BASP1: variants seen among roughly 807,000 people sequenced by gnomAD.
The protein encoded by BASP1 is brain abundant membrane attached signal protein 1, also known as brain acid soluble protein 1.
Under a neutral mutation model 2.2 loss-of-function variants are expected in BASP1, and 1 was observed. The ratio of observed to expected loss-of-function variants is 0.46; its 90% confidence interval spans 0.16 to 2.17. BASP1 has a LOEUF of 2.17. BASP1 is among the 30% of genes most tolerant of loss of function. BASP1 has a pLI of 0.27. For missense variants in BASP1, 352 were observed against 327.2 expected, an observed-to-expected ratio of 1.08 and a Z score of -0.58; for synonymous variants, 187 against 154.2, an observed-to-expected ratio of 1.21 and a Z score of -1.58.
intron 1 of BASP1, among the ~76,000 whole-genome samples, chr5:17,250,319 G>A (rs1008642230): frequency 6.6e-6 from 1 of 152,146 alleles, no homozygotes; most frequent in African/African-American, 2.4e-5. Context: ...TTTGCACTTC[G>A]TAAAAAGTGT....
chr5:17,273,672 CCTT>C (rs1467704026), intron 1 of BASP1, among the ~76,000 whole-genome samples: 2 of 152,126 alleles, frequency 1.3e-5, no homozygotes, highest in Non-Finnish European at 1.5e-5. Flanking sequence ...AACAGCAAAT[CCTT>C]CTTTTCTAAA....
At chr5:17,248,290 C>T (rs143595277) in intron 1 of BASP1, among the ~76,000 whole-genome samples, 7 of 152,256 alleles carry the variant, frequency 4.6e-5, no homozygotes, top group South Asian at 2.1e-4. Flanking sequence ...TAGCCTCTGT[C>T]GGTAGCTGGA....
chr5:17,222,220 G>C (rs899135391), intron 1 of BASP1, among the ~76,000 whole-genome samples: 6 of 152,112 alleles, frequency 3.9e-5, no homozygotes, highest in Admixed American at 2.0e-4. Flanking sequence ...CCTTGTGTTT[G>C]TAGATATTTG....
intron 1 of BASP1, among the ~76,000 whole-genome samples, chr5:17,222,975 A>G (rs1385652813): frequency 1.3e-5 from 2 of 152,186 alleles, no homozygotes. Flanking sequence ...GGAGAAAGCA[A>G]AGCATTTACA....
At chr5:17,233,092 T>G (rs541456344) in intron 1 of BASP1, among the ~76,000 whole-genome samples, 2 of 152,242 alleles carry the variant, frequency 1.3e-5, no homozygotes, top group Non-Finnish European at 2.9e-5. Flanking sequence ...TACAATTTAC[T>G]CATTCCAAAA....
At chr5:17,268,029 C>T (rs972592001) in intron 1 of BASP1, among the ~76,000 whole-genome samples, 2 of 151,736 alleles carry the variant, frequency 1.3e-5, no homozygotes, top group African/African-American at 4.8e-5. Flanking sequence ...GTTTCTTTAT[C>T]TTGCATTGCA....
At chr5:17,232,699 C>T (rs10037574) in intron 1 of BASP1, among the ~76,000 whole-genome samples, 15,481 of 152,130 alleles carry the variant, frequency 0.1, 1,185 homozygotes, top group African/African-American at 0.21. Context: ...CTTTGGCAAA[C>T]ATCACCGTGG....
chr5:17,240,777 C>T (rs192600812), intron 1 of BASP1: 11 of 152,180 alleles, frequency 7.2e-5, no homozygotes, highest in African/African-American at 2.6e-4. Flanking sequence ...CTTGGACTTC[C>T]CAACCTACAG....
chr5:17,261,721 T>C (rs549074157), intron 1 of BASP1, among the ~76,000 whole-genome samples: 1 of 152,238 alleles, frequency 6.6e-6, no homozygotes, highest in African/African-American at 2.4e-5. Context: ...CCCTCAACTT[T>C]CCACTTTAGT....
Position 17,275,776 on chromosome 5 carries a change from C to T in BASP1, c.560C>T (p.Pro187Leu). 2 of 1,613,212 alleles carry T rather than the reference C, an allele frequency of 1.2e-6. No homozygotes were observed. The highest frequency in any genetic ancestry group is 1.7e-6 in the Non-Finnish European group (2 of 1,179,808). ...SEAAPSSKET[P>L]AATEAPSSTP... ...GCTGCCCCCTCTTCCAAGGAGACCCCCGCAGCCACGGAAGCGCCTAGTTCC... is the reference window on the plus strand; with the variant it reads ...GCTGCCCCCTCTTCCAAGGAGACCCTCGCAGCCACGGAAGCGCCTAGTTCC... Residue 187 changes from proline (P) to leucine (L), a missense_variant, in exon 2 of 2, where the codon CCC becomes CTC. By Grantham distance (98) the Pro-to-Leu change is moderately conservative. Transcript: ENST00000322611. The surrounding 1 kb of genome is among the most constrained non-coding windows in gnomAD (Gnocchi z 5.3).
chr5:17,229,162 T>C (rs931803170), intron 1 of BASP1, among the ~76,000 whole-genome samples: 5 of 152,092 alleles, frequency 3.3e-5, no homozygotes, highest in Non-Finnish European at 7.4e-5. Context: ...TGCACTGTGG[T>C]TAGTGTGAGG....
intron 1 of BASP1, among the ~76,000 whole-genome samples, chr5:17,272,004 T>G (rs1252536945): frequency 6.7e-6 from 1 of 149,284 alleles, no homozygotes; most frequent in Non-Finnish European, 1.5e-5. Context: ...AGGCGGAGGT[T>G]GCAGTGAGCC....
intron 1 of BASP1, among the ~76,000 whole-genome samples, chr5:17,228,341 C>A (rs998165458): frequency 6.6e-6 from 1 of 152,072 alleles, no homozygotes; most frequent in African/African-American, 2.4e-5. Flanking sequence ...AGGTAACTAT[C>A]CAATGGAATG....
At chr5:17,243,848 A>G (rs905190404) in intron 1 of BASP1, among the ~76,000 whole-genome samples, 3 of 152,150 alleles carry the variant, frequency 2.0e-5, no homozygotes, top group Admixed American at 6.5e-5. Context: ...ATGCTTGTCC[A>G]CTGCCAGCAG....
intron 1 of BASP1, among the ~76,000 whole-genome samples, chr5:17,242,729 TTG>T (rs1228722599): frequency 6.6e-6 from 1 of 152,190 alleles, no homozygotes; most frequent in African/African-American, 2.4e-5. Flanking sequence ...CTGTAATGCT[TTG>T]TGTTATAACT....
intron 1 of BASP1, among the ~76,000 whole-genome samples, chr5:17,218,659 C>T (rs1739320867): frequency 6.6e-6 from 1 of 152,126 alleles, no homozygotes; most frequent in African/African-American, 2.4e-5. Context: ...GGGCTCAGCC[C>T]CGCTGGGAGC....
intron 1 of BASP1, among the ~76,000 whole-genome samples, chr5:17,243,685 TG>T (rs1739918229): frequency 6.6e-6 from 1 of 152,244 alleles, no homozygotes; most frequent in Admixed American, 6.5e-5. Context: ...TACTTGTTTT[TG>T]GATTGTGTCT....
rs1174816224 is a variant in BASP1, at chr5:17,275,874, G to A, written c.658G>A (p.Asp220Asn). The A allele has an allele frequency of 3.1e-6, 5 of 1,596,320 alleles. No homozygotes were observed. Among genetic ancestry groups the A allele is most frequent in the East Asian group, 4.6e-5 (2 of 43,638 alleles). ...GGTGGAGGCCCCGGCAGCTAATTCC[G>A]ACCAAACCGTAACCGTGAAAGAGTG... ...KPVEAPAANS[D>N]QTVTVKE is the part of the protein sequence containing the mutation. The change falls in exon 2 of 2, where the codon GAC (aspartate) becomes AAC (asparagine). Residue 220 changes from aspartate (D) to asparagine (N), a missense_variant. By Grantham distance (23) the Asp-to-Asn change is conservative. Transcript: ENST00000322611. This position sits in a 1 kb window ranked among gnomAD's most constrained non-coding sequence, Gnocchi z 5.3.
chr5:17,229,148 A>G (rs1193434102), intron 1 of BASP1, among the ~76,000 whole-genome samples: 1 of 152,216 alleles, frequency 6.6e-6, no homozygotes, highest in Middle Eastern at 3.2e-3. Context: ...TGAGGACACT[A>G]ACGTGCACTG....
Sources: gnomAD v4.1 joint callset for allele counts (sites outside exome capture counted in the v4.1 genomes callset) on GRCh38, gnomAD v4.1.1 for gene constraint, Gnocchi (gnomAD v3.1) non-coding constraint, MANE v1.5 for transcripts, NCBI Gene and HGNC (gene_info 2026-07-23, HGNC 2026-07-21) for gene names.